The following IFRD1 variants were observed in gnomAD, a reference collection of about 807,000 sequenced individuals.
IFRD1 encodes interferon-related developmental regulator 1.
In IFRD1, 35 loss-of-function variants were observed where a neutral mutation model predicts 52.9. The ratio of observed to expected loss-of-function variants is 0.66; its 90% CI spans 0.51 to 0.88. The LOEUF is 0.88. Among genes scored for constraint, IFRD1 ranks in the 40% least tolerant of loss-of-function variants. The pLI, the probability that IFRD1 is intolerant of heterozygous loss-of-function variation, is 0.00. For missense variants in IFRD1, 517 were observed against 550.8 expected (o/e 0.94, Z 0.61); for synonymous variants, 184 against 188.4 (o/e 0.98, Z 0.19).
chr7:112,462,095 C>G lies in IFRD1; in HGVS notation c.713C>G (p.Thr238Arg). 1 of 1,610,782 alleles carries G rather than the reference C, an allele frequency of 6.2e-7. No individual in the cohort carries two copies. The highest frequency in any genetic ancestry group is 8.5e-7 in the Non-Finnish European group (1 of 1,177,070). The change falls in exon 7 of 12, where the codon ACA (threonine) becomes AGA (arginine). Residue 238 changes from threonine (T) to arginine (R), a missense_variant. Thr to Arg is a moderately conservative substitution (Grantham distance 71). Coordinates refer to ENST00000403825, the MANE Select transcript of IFRD1 (RefSeq NM_001550.4). ...ACTGTTATTTGCAGCACTCCTAATA[C>G]AGTGCTTCATATCAGCTCTCTTCTT... The part of the protein sequence containing the change: ...DTTVICSTPN[T>R]VLHISSLLAW...
chr7:112,436,031 C>T (rs765339760), intron 1 of IFRD1, among the ~76,000 whole-genome samples: 33 of 151,656 alleles, frequency 2.2e-4, no homozygotes, highest in Admixed American at 8.5e-4. Flanking sequence ...TACAGGCGTG[C>T]GCCACCATGT....
intron 9 of IFRD1, among the ~76,000 whole-genome samples, chr7:112,469,275 T>G (rs1795687920): frequency 6.6e-6 from 1 of 152,208 alleles, no homozygotes; most frequent in African/African-American, 2.4e-5. Context: ...AATTCTTATA[T>G]ATACCCTACT....
rs568486382 is a variant in IFRD1, at chr7:112,444,722, C to G, written c.-181-5786C>G. On this transcript the variant is annotated intron_variant, in intron 1 of 12. Transcript: ENST00000005558. Reference sequence around the variant, plus strand: ...CAAGGCAAAATTTAACTTCAAGGGGCCTTTTCTCGCAGCATTGCAAATAAA... The same window carrying G: ...CAAGGCAAAATTTAACTTCAAGGGGGCTTTTCTCGCAGCATTGCAAATAAA... 1.2e-4 allele frequency among the ~76,000 whole-genome samples: 19 copies of G among 152,196 alleles called. No individual in the cohort carries two copies. The South Asian group carries it at 3.3e-3, about 27-fold the overall frequency.
At chr7:112,442,654 C>G (rs1794921290) in intron 1 of IFRD1, among the ~76,000 whole-genome samples, 1 of 152,194 alleles carries the variant, frequency 6.6e-6, no homozygotes, top group African/African-American at 2.4e-5. Flanking sequence ...GAGTCACCTC[C>G]AAATGGGCTG....
rs1243467841 is a variant in IFRD1 at position 112,462,319 on chromosome 7, A to G, written c.847A>G (p.Arg283Gly). 1 of 1,613,708 alleles carries G rather than the reference A, an allele frequency of 6.2e-7. No individual in the cohort carries two copies. The highest frequency in any genetic ancestry group is 1.3e-5 in the African/African-American group (1 of 74,904). The change falls in exon 8 of 12, where the codon AGA (arginine) becomes GGA (glycine). Residue 283 changes from arginine to glycine, a missense_variant. Arg to Gly is a moderately radical substitution (Grantham distance 125). Coordinates refer to ENST00000403825, the MANE Select transcript of IFRD1 (RefSeq NM_001550.4). ...SLLSCDDVNM[R>G]IAAGESLALL... ...CCTCTCTTGTGATGATGTAAACATGAGAATAGCTGCTGGTGAATCTTTGGC... is the reference window on the plus strand; with the variant it reads ...CCTCTCTTGTGATGATGTAAACATGGGAATAGCTGCTGGTGAATCTTTGGC...
Position 112,461,700 on chromosome 7 carries a change from T to G in IFRD1, c.568-166T>G, listed in dbSNP as rs2117309412. The stretch of plus-strand genomic sequence containing the variant: ...GAGCTGAAACGCACTTCCTTTGATC[T>G]TAGTTCAATATTCTTTCTCTCCTCA... On this transcript the variant is annotated intron_variant, in intron 5 of 11. Coordinates refer to ENST00000403825, the MANE Select transcript of IFRD1 (RefSeq NM_001550.4). 3 of 417,376 alleles carry G rather than the reference T, an allele frequency of 7.2e-6. No individual in the cohort carries two copies. In the South Asian group the frequency reaches 1.8e-4, roughly 25 times the overall value. The allele number at this position is 417,376 out of a possible 1,614,324, so 25.9% of individuals were successfully genotyped here.
intron 9 of IFRD1, among the ~76,000 whole-genome samples, chr7:112,470,616 A>G (rs1795722061): frequency 6.6e-6 from 1 of 152,226 alleles, no homozygotes; most frequent in Non-Finnish European, 1.5e-5. Flanking sequence ...AGAAAGGAGC[A>G]TCTGAAAATG....
At chr7:112,428,608 C>T (rs1352512980) in intron 1 of IFRD1, among the ~76,000 whole-genome samples, 1 of 152,130 alleles carries the variant, frequency 6.6e-6, no homozygotes, top group Non-Finnish European at 1.5e-5. Flanking sequence ...ATGAGGGTGA[C>T]ACTGTTAGTG....
intron 9 of IFRD1, among the ~76,000 whole-genome samples, chr7:112,470,551 G>GTTGTT (rs549293798): frequency 1.3e-5 from 2 of 152,150 alleles, no homozygotes; most frequent in Non-Finnish European, 2.9e-5. Flanking sequence ...GGGAAGGTTT[G>GTTGTT]TTGTTTTGTT....
At chr7:112,465,848 A>G (rs1428661203) in intron 8 of IFRD1, among the ~76,000 whole-genome samples, 1 of 152,186 alleles carries the variant, frequency 6.6e-6, no homozygotes, top group Non-Finnish European at 1.5e-5. Context: ...GGTGAGTTCT[A>G]TATACCTCCA....
chr7:112,451,914 T>C (rs1795175721), intron 1 of IFRD1: 2 of 690,598 alleles, frequency 2.9e-6, no homozygotes, highest in South Asian at 6.5e-5. Context: ...AAAGTAAATA[T>C]GGGGTTATGT....
intron 1 of IFRD1, among the ~76,000 whole-genome samples, chr7:112,436,446 G>A (rs1794694065): frequency 6.6e-6 from 1 of 152,084 alleles, no homozygotes; most frequent in Non-Finnish European, 1.5e-5. Context: ...GATTAAATGG[G>A]TGGCAGTTTT....
At chr7:112,452,530 T>C in intron 1 of IFRD1, 1 of 771,370 alleles carries the variant, frequency 1.3e-6, no homozygotes, top group Non-Finnish European at 1.6e-6. Context: ...TTTATTCTAT[T>C]ACCCTTTTGT....
intron 1 of IFRD1, among the ~76,000 whole-genome samples, chr7:112,425,961 G>C (rs1203645852): frequency 6.6e-6 from 1 of 152,098 alleles, no homozygotes; most frequent in Non-Finnish European, 1.5e-5. Context: ...TCTGGCTTTT[G>C]CTAAAACATT....
upstream of IFRD1, among the ~76,000 whole-genome samples, chr7:112,448,525 C>T (rs1795080317): frequency 6.6e-6 from 1 of 152,086 alleles, no homozygotes; most frequent in Non-Finnish European, 1.5e-5. Flanking sequence ...CTGTATAGGC[C>T]CTGTCACTGA....
intron 1 of IFRD1, among the ~76,000 whole-genome samples, chr7:112,454,413 C>T (rs1405294685): frequency 6.6e-6 from 1 of 151,852 alleles, no homozygotes; most frequent in Non-Finnish European, 1.5e-5. Context: ...GGCTGGTCTC[C>T]AACTCCTGAC....
intron 1 of IFRD1, among the ~76,000 whole-genome samples, chr7:112,434,064 T>C (rs1446752999): frequency 6.6e-6 from 1 of 152,104 alleles, no homozygotes; most frequent in Non-Finnish European, 1.5e-5. Context: ...TCAAAGTGAT[T>C]AGCCTGCTTT....
rs1368577367 is a variant in IFRD1, at chr7:112,476,770, C to T, written c.*1251C>T. Reference sequence around the variant, plus strand: ...AAACTTTAGATTAAAATATATAGTGCAAGCAACATGCCATTTCAAATCCGT... The same window carrying T: ...AAACTTTAGATTAAAATATATAGTGTAAGCAACATGCCATTTCAAATCCGT... On this transcript the variant is annotated 3_prime_UTR_variant, in exon 12 of 12. Transcript: ENST00000403825. 1 of 152,190 alleles carries T rather than the reference C, an allele frequency of 6.6e-6. No homozygotes were observed. The highest frequency in any genetic ancestry group is 1.5e-5 in the Non-Finnish European group (1 of 68,042). The allele number at this position is 152,190 out of a possible 1,614,324, so 9.4% of individuals were successfully genotyped here.
intron 1 of IFRD1, among the ~76,000 whole-genome samples, chr7:112,441,762 C>T (rs1267019249): frequency 1.3e-5 from 2 of 152,306 alleles, no homozygotes; most frequent in Non-Finnish European, 2.9e-5. Context: ...GCTGAGCTCT[C>T]GTGCTAGACT....
Sources: gnomAD v4.1 joint callset for allele counts (sites outside exome capture counted in the v4.1 genomes callset) on GRCh38, gnomAD v4.1.1 for gene constraint, MANE v1.5 for transcripts, NCBI Gene and HGNC (gene_info 2026-07-23, HGNC 2026-07-21) for gene names.